The following PCNX1 variants were observed in gnomAD, a reference collection of about 807,000 sequenced individuals.
The protein encoded by PCNX1 is pecanex-like protein 1.
PCNX1 carries 78 observed loss-of-function variants against 242.2 expected under a neutral mutation model. That is an observed-to-expected ratio of 0.32 (90% CI 0.27 to 0.39). PCNX1 has a LOEUF of 0.39. Among genes scored for constraint, PCNX1 ranks in the 10% least tolerant of loss-of-function variants. The pLI, the probability that PCNX1 is intolerant of heterozygous loss-of-function variation, is 1.00. For missense variants in PCNX1, 2,581 were observed against 2,856.5 expected (o/e 0.90, Z 2.20); for synonymous variants, 1,024 against 1,032.9 (o/e 0.99, Z 0.17).
chr14:71,080,264 T>A (rs1340908276), intron 28 of PCNX1, among the ~76,000 whole-genome samples: 2 of 152,228 alleles, frequency 1.3e-5, no homozygotes, highest in African/African-American at 2.4e-5. Flanking sequence ...CATGCTGTTT[T>A]GATTACTGTA....
Position 71,034,056 on chromosome 14 carries a change from A to G in PCNX1, c.3774+20A>G. On this transcript the variant is annotated intron_variant, in intron 18 of 35. Transcript: ENST00000304743. ...TCTGTTGTAAGTTTTAACATTTAGA[A>G]TCACCTAAAAGACTTAAATCTTAGA... 3.0e-6 allele frequency: 4 copies of G among 1,329,540 alleles called. No individual in the cohort carries two copies. The highest frequency in any genetic ancestry group is 4.6e-5 in the East Asian group (2 of 43,376). 82.4% of individuals were successfully genotyped at this position (1,329,540 alleles called of 1,614,324 possible).
At chr14:71,085,238 C>T (rs2061955530) in intron 28 of PCNX1, among the ~76,000 whole-genome samples, 1 of 152,176 alleles carries the variant, frequency 6.6e-6, no homozygotes, top group South Asian at 2.1e-4. Flanking sequence ...AAATCACCTG[C>T]TTTCTGCCTT....
chr14:70,989,534 A>ATTTTTTTTTTTTTTTTTTTTTT (rs34767376), intron 7 of PCNX1, among the ~76,000 whole-genome samples: 1 of 126,364 alleles, frequency 7.9e-6, no homozygotes, highest in African/African-American at 3.0e-5. Flanking sequence ...ACAGATATAA[A>ATTTTTTTTTTTTTTTTTTTTTT]TTTTTTTTTT....
chr14:71,098,936 G>C (rs189122550), intron 30 of PCNX1, among the ~76,000 whole-genome samples: 22 of 152,224 alleles, frequency 1.4e-4, no homozygotes, highest in Admixed American at 1.4e-3. Flanking sequence ...CTGTGGGTTT[G>C]TCATAGATGC....
At chr14:70,987,711 A>C (rs550381481) in intron 6 of PCNX1, among the ~76,000 whole-genome samples, 1 of 152,322 alleles carries the variant, frequency 6.6e-6, no homozygotes, top group Non-Finnish European at 1.5e-5. Flanking sequence ...CAAATCGGTC[A>C]ATTTTTGTGG....
intron 28 of PCNX1, among the ~76,000 whole-genome samples, chr14:71,086,958 A>C (rs2062008604): frequency 6.6e-6 from 1 of 152,106 alleles, no homozygotes; most frequent in Non-Finnish European, 1.5e-5. Context: ...TATGGTCTCT[A>C]TTGAATCATC....
At chr14:70,930,390 G>A (rs1024812499) in intron 1 of PCNX1, among the ~76,000 whole-genome samples, 1 of 152,086 alleles carries the variant, frequency 6.6e-6, no homozygotes, top group Non-Finnish European at 1.5e-5. Context: ...CTCTGTTGCC[G>A]ATGAGTTGCA....
In PCNX1 at chr14:71,026,889, A is replaced by G. The variant is rs1170920828; in HGVS notation, c.3466+7A>G. On this transcript the variant is annotated splice_region_variant and intron_variant, in intron 15 of 35. Coordinates refer to ENST00000304743, the MANE Select transcript of PCNX1 (RefSeq NM_014982.3). ...CATATTTTTGGTGGTAATGGTGAGT[A>G]CTTCTTTATAAAAATTATAGATTAC... 4 of 1,153,468 alleles carry G rather than the reference A, an allele frequency of 3.5e-6. No individual in the cohort carries two copies. Among genetic ancestry groups the G allele is most frequent in the Non-Finnish European group, 5.2e-6 (4 of 764,498 alleles). 71.5% of individuals were successfully genotyped at this position (1,153,468 alleles called of 1,614,324 possible). A position where few individuals can be genotyped will look rare whatever the true frequency, so the allele number is the denominator to read the frequency against.
At chr14:70,964,411 A>G (rs1316480894) in intron 3 of PCNX1, among the ~76,000 whole-genome samples, 3 of 152,166 alleles carry the variant, frequency 2.0e-5, no homozygotes, top group Non-Finnish European at 4.4e-5. Context: ...GCCTGTTTGA[A>G]GACAAGGGTT....
chr14:71,011,683 C>T, intron 10 of PCNX1, 134 bp downstream of exon 10: 2 of 617,066 alleles, frequency 3.2e-6, no homozygotes, highest in Non-Finnish European at 5.8e-6. Flanking sequence ...ATGGCAAAAT[C>T]ACTTTGCTGC....
chr14:71,073,820 G>T, intron 27 of PCNX1, 22 bp downstream of exon 27: 1 of 1,522,832 alleles, frequency 6.6e-7, no homozygotes, highest in South Asian at 1.4e-5. Flanking sequence ...TGCCTACTTA[G>T]ATCTTTAGAT....
chr14:71,062,921 C>T (rs1383250673), intron 26 of PCNX1, among the ~76,000 whole-genome samples: 2 of 152,156 alleles, frequency 1.3e-5, no homozygotes, highest in African/African-American at 2.4e-5. Context: ...CAGATACCTA[C>T]CATTGTATTA....
chr14:71,059,267 C>G (rs1170828284), intron 26 of PCNX1, among the ~76,000 whole-genome samples: 1 of 152,122 alleles, frequency 6.6e-6, no homozygotes, highest in Non-Finnish European at 1.5e-5. Flanking sequence ...CTTTTGCTAT[C>G]TAAATGCTAA....
chr14:71,105,508 TATAA>T, intron 33 of PCNX1, 68 bp downstream of exon 33: 1 of 1,208,004 alleles, frequency 8.3e-7, no homozygotes, highest in Non-Finnish European at 1.2e-6. Flanking sequence ...AGTATATGTG[TATAA>T]AGAGGATTAC....
Position 71,045,250 on chromosome 14 carries a change from A to G in PCNX1, c.3985A>G (p.Lys1329Glu). 1.2e-6 allele frequency: 2 copies of G among 1,613,142 alleles called. No individual in the cohort carries two copies. The highest frequency in any genetic ancestry group is 1.7e-6 in the Non-Finnish European group (2 of 1,179,346). The change falls in exon 20 of 36, where the codon AAG (lysine) becomes GAG (glutamate). Residue 1329 changes from lysine (K) to glutamate (E), a missense_variant. Lys to Glu is a moderately conservative substitution (Grantham distance 56). Coordinates refer to ENST00000304743, the MANE Select transcript of PCNX1 (RefSeq NM_014982.3). ...PWHCFSHPLL[K>E]TLEYNQYEVR... The stretch of plus-strand genomic sequence containing the variant: ...GCACTGTTTCTCTCATCCTCTGCTA[A>G]AGACACTAGAGTATAATCAGTATGA...
intron 3 of PCNX1, among the ~76,000 whole-genome samples, chr14:70,967,082 A>G (rs1215849290): frequency 6.6e-6 from 1 of 152,166 alleles, no homozygotes; most frequent in South Asian, 2.1e-4. Context: ...ATATGTATGC[A>G]TATTTTTATT....
intron 11 of PCNX1, among the ~76,000 whole-genome samples, chr14:71,017,679 A>C (rs1197766437): frequency 2.6e-5 from 4 of 152,202 alleles, no homozygotes; most frequent in African/African-American, 9.7e-5. Flanking sequence ...ATCCTTAAAA[A>C]TCCAAAGACA....
At chr14:70,909,082 G>C (rs2055709241) in intron 1 of PCNX1, among the ~76,000 whole-genome samples, 1 of 152,188 alleles carries the variant, frequency 6.6e-6, no homozygotes, top group Non-Finnish European at 1.5e-5. Context: ...ACAGGGTGCT[G>C]AGTTAGAAAA....
intron 30 of PCNX1, among the ~76,000 whole-genome samples, chr14:71,091,689 A>C (rs554256673): frequency 6.6e-6 from 1 of 152,354 alleles, no homozygotes; most frequent in South Asian, 2.1e-4. Context: ...AATTTATCAA[A>C]ACTTACAAAA....
Sources: gnomAD v4.1 joint callset for allele counts (sites outside exome capture counted in the v4.1 genomes callset) on GRCh38, gnomAD v4.1.1 for gene constraint, MANE v1.5 for transcripts, NCBI Gene and HGNC (gene_info 2026-07-23, HGNC 2026-07-21) for gene names.